The following RIN2 variants were observed in gnomAD, a reference collection of about 807,000 sequenced individuals.
RIN2 encodes RAB5 interacting protein 2.
Under a neutral mutation model 78.0 loss-of-function variants are expected in RIN2, and 36 were observed. The observed-to-expected ratio is 0.46, with a 90% CI of 0.35 to 0.61. RIN2 has a LOEUF of 0.61. Among genes scored for constraint, RIN2 ranks in the 20% least tolerant of loss-of-function variants. RIN2 has a pLI of 0.00. For synonymous variants in RIN2, 466 were observed against 466.8 expected, an observed-to-expected ratio of 1.00 and a Z score of 0.02; for missense variants, 1,087 against 1,159.7, an observed-to-expected ratio of 0.94 and a Z score of 0.91.
At chr20:19,882,357 G>C (rs957220748) in intron 2 of RIN2, among the ~76,000 whole-genome samples, 1 of 152,160 alleles carries the variant, frequency 6.6e-6, no homozygotes, top group Admixed American at 6.5e-5. Context: ...TACAAGGAAA[G>C]TATTCATCCC....
chr20:19,845,495 C>CT (rs1411070786), intron 2 of RIN2, among the ~76,000 whole-genome samples: 1 of 151,378 alleles, frequency 6.6e-6, no homozygotes, highest in Admixed American at 6.6e-5. Flanking sequence ...TGATGATGAG[C>CT]TTTTTTTTCA....
At chr20:19,973,488 T>C (rs1490986559) in intron 8 of RIN2, among the ~76,000 whole-genome samples, 1 of 152,016 alleles carries the variant, frequency 6.6e-6, no homozygotes, top group South Asian at 2.1e-4. Flanking sequence ...TAGCTAGAGA[T>C]AGAGAATAAC....
At chr20:19,881,615 C>T (rs1287931068) in intron 2 of RIN2, among the ~76,000 whole-genome samples, 7 of 152,152 alleles carry the variant, frequency 4.6e-5, no homozygotes, top group African/African-American at 1.7e-4. Flanking sequence ...CTCACAGAGT[C>T]ACCCAGTCTG....
At chr20:19,902,492 G>T (rs2039029619) in intron 3 of RIN2, among the ~76,000 whole-genome samples, 1 of 150,296 alleles carries the variant, frequency 6.7e-6, no homozygotes, top group Non-Finnish European at 1.5e-5. Context: ...ATAGCAAAAG[G>T]TGGGGATGAT....
At chr20:19,835,523 C>A (rs151089211) in intron 2 of RIN2, among the ~76,000 whole-genome samples, 2 of 151,958 alleles carry the variant, frequency 1.3e-5, no homozygotes, top group East Asian at 1.9e-4. Context: ...AGGAGTAAAC[C>A]GAATTTCACA....
chr20:19,814,950 A>G (rs1162201917), intron 2 of RIN2, among the ~76,000 whole-genome samples: 2 of 152,134 alleles, frequency 1.3e-5, no homozygotes, highest in Non-Finnish European at 2.9e-5. Flanking sequence ...AATAAACCAA[A>G]TCCTATCCAA....
chr20:19,892,616 A>G (rs1285899829), intron 3 of RIN2, among the ~76,000 whole-genome samples: 2 of 151,958 alleles, frequency 1.3e-5, no homozygotes, highest in African/African-American at 2.4e-5. Flanking sequence ...GGCTCAAGCA[A>G]TCCTCCCACC....
intron 2 of RIN2, among the ~76,000 whole-genome samples, chr20:19,842,919 G>A (rs949308120): frequency 2.6e-5 from 4 of 151,876 alleles, no homozygotes; most frequent in Admixed American, 2.0e-4. Flanking sequence ...CACAGGAGGA[G>A]GTCAAAATAT....
chr20:19,962,234 C>T (rs902661192), intron 6 of RIN2, among the ~76,000 whole-genome samples: 2 of 151,540 alleles, frequency 1.3e-5, no homozygotes, highest in Non-Finnish European at 2.9e-5. Flanking sequence ...TGCAGTGAGC[C>T]GTGATCGTGC....
chr20:19,787,132 C>T (rs951314710), intron 1 of RIN2, among the ~76,000 whole-genome samples: 4 of 152,026 alleles, frequency 2.6e-5, no homozygotes, highest in Admixed American at 2.0e-4. Context: ...ATAATAAAGA[C>T]AAATGACTGT....
At chr20:19,963,333 A>G (rs771077904) in intron 6 of RIN2, among the ~76,000 whole-genome samples, 2 of 152,086 alleles carry the variant, frequency 1.3e-5, no homozygotes, top group Non-Finnish European at 1.5e-5. Flanking sequence ...GCGAAGAAGC[A>G]GCCGGCGCAG....
At chr20:19,884,089 C>T (rs1381335578) in intron 2 of RIN2, among the ~76,000 whole-genome samples, 1 of 150,906 alleles carries the variant, frequency 6.6e-6, no homozygotes. Context: ...GGCATACGGG[C>T]ATGAGCCACA....
At chr20:19,853,795 G>C (rs1363813991) in intron 2 of RIN2, among the ~76,000 whole-genome samples, 2 of 152,142 alleles carry the variant, frequency 1.3e-5, no homozygotes, top group Non-Finnish European at 2.9e-5. Context: ...TGTCAGATGA[G>C]TAGATTGCAA....
chr20:19,842,402 T>G (rs992738424), intron 2 of RIN2, among the ~76,000 whole-genome samples: 1 of 130,150 alleles, frequency 7.7e-6, no homozygotes, highest in African/African-American at 3.0e-5. Flanking sequence ...TTTTTTTTTT[T>G]TTTTTTTTTT....
intron 9 of RIN2, among the ~76,000 whole-genome samples, chr20:19,989,050 T>C (rs1221936247): frequency 6.6e-6 from 1 of 152,174 alleles, no homozygotes; most frequent in Non-Finnish European, 1.5e-5. Context: ...AATACTTCAA[T>C]GCATATTTCC....
chr20:19,852,528 C>T (rs543987234), intron 2 of RIN2, among the ~76,000 whole-genome samples: 10 of 152,274 alleles, frequency 6.6e-5, no homozygotes, highest in South Asian at 2.1e-4. Context: ...ATTGGTTGGG[C>T]GATCCTAAAG....
At chr20:19,758,948 C>T (rs1259140698) in intron 1 of RIN2, among the ~76,000 whole-genome samples, 2 of 152,176 alleles carry the variant, frequency 1.3e-5, no homozygotes, top group African/African-American at 2.4e-5. Context: ...TGGGCTGTCG[C>T]GGTGATTGAT....
At position 19,930,148 on chromosome 20, in the gene RIN2, G is replaced by T. The variant is rs544353813; in HGVS notation, c.58-4951G>T. On this transcript the variant is annotated intron_variant, in intron 3 of 12. Coordinates refer to ENST00000255006, the MANE Select transcript of RIN2 (RefSeq NM_018993.4). ...AAAGTCCCCACATCCAGCAGGGAAG[G>T]GTCCACAGCGATCCAGCCAAGTGCA... Among the ~76,000 whole-genome samples, 10 of 152,242 alleles carry T rather than the reference G, an allele frequency of 6.6e-5. No individual in the cohort carries two copies. In the South Asian group the frequency reaches 2.1e-3, roughly 32 times the overall value.
At chr20:19,832,084 A>G (rs1041636391) in intron 2 of RIN2, among the ~76,000 whole-genome samples, 5 of 151,942 alleles carry the variant, frequency 3.3e-5, no homozygotes, top group African/African-American at 1.2e-4. Flanking sequence ...GGTGGTGAGA[A>G]TGTATCTGCA....
Sources: gnomAD v4.1 joint callset for allele counts (sites outside exome capture counted in the v4.1 genomes callset) on GRCh38, gnomAD v4.1.1 for gene constraint, MANE v1.5 for transcripts, NCBI Gene and HGNC (gene_info 2026-07-23, HGNC 2026-07-21) for gene names.